Variants in PALLD observed in about 807,000 individuals in gnomAD.
PALLD encodes palladin.
In PALLD, 61 loss-of-function variants were observed where a neutral mutation model predicts 123.5. The ratio of observed to expected loss-of-function variants is 0.49; its 90% CI spans 0.40 to 0.61. PALLD has a LOEUF of 0.61. Among genes scored for constraint, PALLD ranks in the 20% least tolerant of loss-of-function variants. The pLI is 0.00. For missense variants in PALLD, 1,273 were observed against 1,377.0 expected (o/e 0.92, Z 1.20); for synonymous variants, 465 against 496.4 (o/e 0.94, Z 0.84).
At chr4:168,888,274 G>A (rs1449525292) in intron 10 of PALLD, among the ~76,000 whole-genome samples, 1 of 152,084 alleles carries the variant, frequency 6.6e-6, no homozygotes, top group Non-Finnish European at 1.5e-5. Context: ...TGACTAAAAG[G>A]GACAAACCTA....
intron 2 of PALLD, among the ~76,000 whole-genome samples, chr4:168,527,635 T>C (rs1442533719): frequency 6.6e-6 from 1 of 152,116 alleles, no homozygotes; most frequent in East Asian, 1.9e-4. Flanking sequence ...AGCATTTAAA[T>C]ATGAGGATCA....
intron 10 of PALLD, among the ~76,000 whole-genome samples, chr4:168,824,935 C>T (rs1284018038): frequency 6.6e-6 from 1 of 151,362 alleles, no homozygotes; most frequent in Non-Finnish European, 1.5e-5. Flanking sequence ...GATTCTCCCA[C>T]CTCAGCCTCC....
At chr4:168,785,846 G>GAGAGAGATATATATATATAT (rs764117358) in intron 10 of PALLD, among the ~76,000 whole-genome samples, 2 of 80,918 alleles carry the variant, frequency 2.5e-5, no homozygotes, top group Middle Eastern at 7.1e-3. Context: ...AAACTGTAGA[G>GAGAGAGATATATATATATAT]ATATATATAT....
chr4:168,665,612 G>T (rs1779569329), intron 2 of PALLD, among the ~76,000 whole-genome samples: 3 of 152,182 alleles, frequency 2.0e-5, no homozygotes, highest in Admixed American at 2.0e-4. Context: ...GAGCAACCTG[G>T]ATGGAAAGCC....
At chr4:168,784,368 A>G (rs1306564303) in intron 10 of PALLD, among the ~76,000 whole-genome samples, 1 of 152,098 alleles carries the variant, frequency 6.6e-6, no homozygotes, top group Non-Finnish European at 1.5e-5. Flanking sequence ...AAGAAAAGAA[A>G]AGAGAAAGGT....
chr4:168,730,343 T>C (rs890448031), intron 10 of PALLD, among the ~76,000 whole-genome samples: 2 of 152,232 alleles, frequency 1.3e-5, no homozygotes, highest in Non-Finnish European at 2.9e-5. Context: ...CATTCTGTTC[T>C]GTCTCATGGA....
At chr4:168,508,856 G>A (rs924572969) in intron 1 of PALLD, among the ~76,000 whole-genome samples, 2 of 152,082 alleles carry the variant, frequency 1.3e-5, no homozygotes, top group African/African-American at 4.8e-5. Flanking sequence ...CCTTGTAAGA[G>A]TTGATCCTGA....
At chr4:168,917,045 T>G (rs796854860) in intron 17 of PALLD, among the ~76,000 whole-genome samples, 47 of 136,112 alleles carry the variant, frequency 3.5e-4, no homozygotes, top group East Asian at 8.7e-4. Context: ...TTTGTTTTTT[T>G]GGGGTTTTTT....
At chr4:168,703,154 C>T (rs1282877610) in intron 8 of PALLD, among the ~76,000 whole-genome samples, 10 of 144,740 alleles carry the variant, frequency 6.9e-5, no homozygotes, top group Non-Finnish European at 1.3e-4. Flanking sequence ...TGAGAATATG[C>T]GGTGTTTGGT....
chr4:168,833,903 A>G (rs1239242670), intron 10 of PALLD, among the ~76,000 whole-genome samples: 1 of 149,974 alleles, frequency 6.7e-6, no homozygotes, highest in East Asian at 1.9e-4. Context: ...GTGTGAGTGT[A>G]AGATTTATAA....
intron 10 of PALLD, among the ~76,000 whole-genome samples, chr4:168,748,892 C>T (rs571408466): frequency 7.9e-5 from 12 of 152,304 alleles, no homozygotes; most frequent in Middle Eastern, 3.4e-3. Context: ...AGGAGTCTCT[C>T]TCTAGTCTGC....
At chr4:168,817,698 A>C (rs1181291063) in intron 10 of PALLD, among the ~76,000 whole-genome samples, 1 of 152,252 alleles carries the variant, frequency 6.6e-6, no homozygotes, top group South Asian at 2.1e-4. Context: ...ATACTCCTAA[A>C]CATAATTTGA....
intron 8 of PALLD, chr4:168,700,025 T>C (rs1396686283): frequency 3.3e-6 from 1 of 302,828 alleles, no homozygotes; most frequent in Admixed American, 3.7e-5. Context: ...ACAGATGTCT[T>C]ATACGTCTTT....
intron 2 of PALLD, among the ~76,000 whole-genome samples, chr4:168,591,695 C>T (rs13131228): frequency 0.16 from 23,842 of 152,096 alleles, 2,142 homozygotes; most frequent in East Asian, 0.33. Flanking sequence ...TTAAACTGTA[C>T]TTTGAGAAAT....
intron 10 of PALLD, among the ~76,000 whole-genome samples, chr4:168,821,536 A>G (rs1742711107): frequency 6.6e-6 from 1 of 152,168 alleles, no homozygotes; most frequent in Non-Finnish European, 1.5e-5. Flanking sequence ...ATACAGATAT[A>G]CACAAAGAGA....
chr4:168,516,898 G>A (rs1037684140), intron 2 of PALLD, among the ~76,000 whole-genome samples: 1 of 151,954 alleles, frequency 6.6e-6, no homozygotes, highest in Non-Finnish European at 1.5e-5. Flanking sequence ...CCCTTTTTTT[G>A]TATTAAGTTA....
At chr4:168,799,322 T>C (rs763056961) in intron 10 of PALLD, among the ~76,000 whole-genome samples, 7 of 152,202 alleles carry the variant, frequency 4.6e-5, no homozygotes, top group Non-Finnish European at 8.8e-5. Flanking sequence ...TCAGGCCATA[T>C]TTAGTTTGTT....
intron 6 of PALLD, among the ~76,000 whole-genome samples, chr4:168,689,367 T>A (rs1367202003): frequency 6.6e-6 from 1 of 151,830 alleles, no homozygotes; most frequent in East Asian, 1.9e-4. Context: ...GCTTTTGGTG[T>A]ATATATGGAT....
intron 2 of PALLD, among the ~76,000 whole-genome samples, chr4:168,618,063 C>T (rs917398072): frequency 4.6e-5 from 7 of 152,050 alleles, no homozygotes; most frequent in African/African-American, 1.7e-4. Flanking sequence ...TAAAGTAACA[C>T]CAATGAGAAC....
Sources: gnomAD v4.1 joint callset for allele counts (sites outside exome capture counted in the v4.1 genomes callset) on GRCh38, gnomAD v4.1.1 for gene constraint, MANE v1.5 for transcripts, NCBI Gene and HGNC (gene_info 2026-07-23, HGNC 2026-07-21) for gene names.